The following ARMC8 variants were observed in gnomAD, a reference collection of about 807,000 sequenced individuals.
ARMC8 encodes armadillo repeat-containing protein 8.
A neutral mutation model predicts 99.3 loss-of-function variants in ARMC8; 20 were observed. The ratio of observed to expected loss-of-function variants is 0.20; its 90% CI spans 0.14 to 0.29. ARMC8 has a LOEUF of 0.29. ARMC8 is among the 10% of genes least tolerant of loss of function. The pLI is 1.00. For missense variants in ARMC8, 569 were observed against 809.5 expected (o/e 0.70, Z 3.60); for synonymous variants, 263 against 278.3 (o/e 0.95, Z 0.55).
rs577181413 is a variant in ARMC8, at chr3:138,201,706, G to T, written c.46-8111G>T. 5.9e-5 allele frequency among the ~76,000 whole-genome samples: 9 copies of T among 151,706 alleles called. No individual in the cohort carries two copies. The South Asian group carries it at 8.3e-4, about 14-fold the overall frequency. ...GAACTCCTGACCTCACTCTCTGCCC[G>T]CCTCGGTCTCCCAAAGTGCTGGGAT... On this transcript the variant is annotated intron_variant, in intron 1 of 21. Transcript: ENST00000469044.
At chr3:138,228,717 A>C (rs1279568117) in intron 5 of ARMC8, 1 of 548,046 alleles carries the variant, frequency 1.8e-6, no homozygotes, top group Non-Finnish European at 3.5e-6. Flanking sequence ...ACCAGGGATG[A>C]ATATTGAAGC....
chr3:138,212,988 C>T (rs1481720559), intron 2 of ARMC8, among the ~76,000 whole-genome samples: 3 of 152,094 alleles, frequency 2.0e-5, no homozygotes, highest in Non-Finnish European at 2.9e-5. Context: ...TGAACATATA[C>T]GAGGCATGGT....
intron 12 of ARMC8, among the ~76,000 whole-genome samples, chr3:138,255,075 G>A (rs2047313312): frequency 6.6e-6 from 1 of 151,938 alleles, no homozygotes; most frequent in African/African-American, 2.4e-5. Flanking sequence ...TCAAGAGAAA[G>A]GATCAAAAAG....
intron 5 of ARMC8, chr3:138,228,713 G>T (rs551506634): frequency 1.8e-6 from 1 of 543,138 alleles, no homozygotes; most frequent in Non-Finnish European, 3.5e-6. Flanking sequence ...TGCTACCAGG[G>T]ATGAATATTG....
chr3:138,213,651 C>T (rs543320594), intron 2 of ARMC8, among the ~76,000 whole-genome samples: 162 of 152,274 alleles, frequency 1.1e-3, no homozygotes, highest in Admixed American at 3.0e-3. Flanking sequence ...ATATGGAGAT[C>T]TGCATGTGAC....
chr3:138,259,024 G>C (rs910965452), intron 12 of ARMC8, among the ~76,000 whole-genome samples: 1 of 152,196 alleles, frequency 6.6e-6, no homozygotes, highest in African/African-American at 2.4e-5. Flanking sequence ...AGAACCATGA[G>C]GGAGAACAAC....
chr3:138,235,045 T>G lies in ARMC8; in HGVS notation c.540T>G (p.His180Gln). 1 of 1,613,678 alleles carries G rather than the reference T, an allele frequency of 6.2e-7. No homozygotes were observed. The highest frequency in any genetic ancestry group is 8.5e-7 in the Non-Finnish European group (1 of 1,179,664). The change falls in exon 7 of 22, where the codon CAT (histidine) becomes CAG (glutamine). Residue 180 changes from histidine to glutamine, a missense_variant. Physicochemically the swap from His to Gln is conservative, Grantham distance 24 (BLOSUM62 0). Around this residue, in one of 2 missense-constraint regions of ARMC8, gnomAD observed 342 missense variants for 391.6 expected, o/e 0.87. Transcript: ENST00000469044. ...CTTTTTTCTTACAGGGGCCAGATCA[T>G]CAAACAATTTTATTTAACCACGGTG... ...IFSHCCKGPD[H>Q]QTILFNHGAV...
intron 21 of ARMC8, among the ~76,000 whole-genome samples, chr3:138,295,362 C>A (rs1346912238): frequency 6.6e-6 from 1 of 152,206 alleles, no homozygotes; most frequent in African/African-American, 2.4e-5. Context: ...CATAAGACAG[C>A]CTCATCCCAT....
chr3:138,227,363 T>C (rs1576677559), intron 5 of ARMC8, among the ~76,000 whole-genome samples: 1 of 152,200 alleles, frequency 6.6e-6, no homozygotes, highest in East Asian at 1.9e-4. Context: ...TTAATCTACC[T>C]ATTTGCCTTT....
chr3:138,223,479 A>G lies in ARMC8; in HGVS notation c.285A>G (p.Glu95=), dbSNP rs750971739. The G allele has an allele frequency of 6.8e-6, 11 of 1,614,108 alleles. No individual in the cohort carries two copies. In the African/African-American group the frequency reaches 1.3e-4, roughly 20 times the overall value. Residue 95 remains glutamate (E), a synonymous_variant, in exon 4 of 22, where the codon GAA becomes GAG. Coordinates refer to ENST00000469044, the MANE Select transcript of ARMC8 (RefSeq NM_001363941.2). ...TGGGAAGTCTTGCTATGGGTACTGA[A>G]AACAATGTCAAGTCTCTACTGGACT... ...VVLGSLAMGT[E]NNVKSLLDCH...
intron 1 of ARMC8, among the ~76,000 whole-genome samples, chr3:138,209,328 A>G (rs978623178): frequency 2.0e-5 from 3 of 152,214 alleles, no homozygotes; most frequent in African/African-American, 7.2e-5. Context: ...CTATGTGTTT[A>G]GTGAGAACTA....
At chr3:138,191,756 A>C (rs759271046) in intron 1 of ARMC8, among the ~76,000 whole-genome samples, 6 of 152,344 alleles carry the variant, frequency 3.9e-5, no homozygotes, top group Non-Finnish European at 8.8e-5. Context: ...GGAATCATAC[A>C]GTATGTGACT....
chr3:138,207,887 C>T (rs1290876250), intron 1 of ARMC8, among the ~76,000 whole-genome samples: 1 of 152,106 alleles, frequency 6.6e-6, no homozygotes, highest in East Asian at 1.9e-4. Context: ...TTTAATGGTA[C>T]CCTGGTGGGC....
chr3:138,270,165 C>G (rs758238008), intron 16 of ARMC8, 33 bp downstream of exon 16: 10 of 1,415,572 alleles, frequency 7.1e-6, no homozygotes, highest in Non-Finnish European at 1.0e-6. Context: ...TCATAACTTA[C>G]AAAAGGAATA....
rs145587043 is a variant in ARMC8 at position 138,258,477 on chromosome 3, T to C, written c.1135-5262T>C. The stretch of plus-strand genomic sequence containing the variant: ...CATGGAGGGCTGGGAAGTTCCCTTG[T>C]AGCCAAAGGCCCATTTTCAAGTTGT... On this transcript the variant is annotated intron_variant, in intron 12 of 21. Transcript: ENST00000469044. Among the ~76,000 whole-genome samples the C allele has an allele frequency of 1.3e-4, 20 of 152,366 alleles. No individual in the cohort carries two copies. The East Asian group carries it at 3.9e-3, about 29-fold the overall frequency.
At chr3:138,285,292 CTTA>C (rs2050300397) in intron 19 of ARMC8, among the ~76,000 whole-genome samples, 1 of 152,140 alleles carries the variant, frequency 6.6e-6, no homozygotes, top group Non-Finnish European at 1.5e-5. Context: ...AGCTTTTTGT[CTTA>C]TTAAGAGAAG....
chr3:138,281,515 T>C lies in ARMC8; in HGVS notation c.1726-2916T>C, dbSNP rs1226074334. 4.6e-5 allele frequency among the ~76,000 whole-genome samples: 7 copies of C among 152,086 alleles called. No individual in the cohort carries two copies. The East Asian group carries it at 1.3e-3, about 29-fold the overall frequency. On this transcript the variant is annotated intron_variant, in intron 18 of 21. Coordinates refer to ENST00000469044, the MANE Select transcript of ARMC8 (RefSeq NM_001363941.2). Reference sequence around the variant, plus strand: ...ACCATATTGGCCAGGATGGTCTCAATCTCTTGACCTCGTAATCCACCCGCT... The same window carrying C: ...ACCATATTGGCCAGGATGGTCTCAACCTCTTGACCTCGTAATCCACCCGCT...
intron 2 of ARMC8, among the ~76,000 whole-genome samples, chr3:138,211,198 CAGAT>C (rs2044676866): frequency 6.6e-6 from 1 of 152,166 alleles, no homozygotes; most frequent in Admixed American, 6.5e-5. Context: ...CTTCCTTAGA[CAGAT>C]ACTCTCCACA....
intron 12 of ARMC8, 59 bp downstream of exon 12, chr3:138,245,242 C>T: frequency 6.2e-7 from 1 of 1,614,110 alleles, no homozygotes; most frequent in Non-Finnish European, 8.5e-7. Flanking sequence ...GGAGTGACGT[C>T]AACCTGAAAG....
Sources: gnomAD v4.1 joint callset for allele counts (sites outside exome capture counted in the v4.1 genomes callset) on GRCh38, gnomAD v4.1.1 for gene constraint, gnomAD v4.1.1 regional missense constraint, MANE v1.5 for transcripts, NCBI Gene and HGNC (gene_info 2026-07-23, HGNC 2026-07-21) for gene names.